The following MAGI2 variants were observed in gnomAD, a reference collection of about 807,000 sequenced individuals.
MAGI2 encodes membrane-associated guanylate kinase, WW and PDZ domain-containing protein 2.
MAGI2 carries 35 observed loss-of-function variants against 133.3 expected under a neutral mutation model. The ratio of observed to expected loss-of-function variants is 0.26; its 90% CI spans 0.20 to 0.35. The LOEUF is 0.35. Among genes scored for constraint, MAGI2 ranks in the 10% least tolerant of loss-of-function variants. MAGI2 has a pLI of 1.00. For synonymous variants in MAGI2, 729 were observed against 710.6 expected (o/e 1.03, Z -0.41); for missense variants, 1,636 against 1,863.4 (o/e 0.88, Z 2.25).
At chr7:79,097,418 G>A (rs961799935) in intron 1 of MAGI2, among the ~76,000 whole-genome samples, 1 of 152,170 alleles carries the variant, frequency 6.6e-6, no homozygotes, top group Non-Finnish European at 1.5e-5. Flanking sequence ...TATAATGGGG[G>A]ATCTGTTATG....
At position 78,838,278 on chromosome 7, in the gene MAGI2, C is replaced by A. The variant is rs17151572; in HGVS notation, c.418+168812G>T. On this transcript the variant is annotated intron_variant, in intron 2 of 21. Transcript: ENST00000354212. ...AAAAGACAGATATAAATCTTGAAAACTTGAACACGGCATGTATTTGAAGGT... is the reference window on the plus strand; with the variant it reads ...AAAAGACAGATATAAATCTTGAAAAATTGAACACGGCATGTATTTGAAGGT... Among the ~76,000 whole-genome samples, 845 of 151,990 alleles carry A rather than the reference C, an allele frequency of 5.6e-3. 12 individuals are homozygous for A. Among genetic ancestry groups the A allele is most frequent in the South Asian group, 0.048 (230 of 4,826 alleles).
chr7:78,713,782 A>G (rs1356193655), intron 2 of MAGI2, among the ~76,000 whole-genome samples: 2 of 152,128 alleles, frequency 1.3e-5, no homozygotes, highest in Admixed American at 1.3e-4. Context: ...CTCACAATGC[A>G]TGGAAAAATG....
intron 2 of MAGI2, among the ~76,000 whole-genome samples, chr7:78,819,978 A>G (rs180975529): frequency 6.6e-6 from 1 of 152,016 alleles, no homozygotes; most frequent in Non-Finnish European, 1.5e-5. Context: ...GACACAATAC[A>G]TCTATTTAGT....
intron 3 of MAGI2, among the ~76,000 whole-genome samples, chr7:78,601,346 T>C (rs1298123236): frequency 3.3e-5 from 5 of 152,146 alleles, no homozygotes; most frequent in African/African-American, 7.2e-5. Context: ...AGAAAAAAAA[T>C]GAGGCTGGAA....
At chr7:78,439,114 C>T (rs1222290789) in intron 6 of MAGI2, among the ~76,000 whole-genome samples, 1 of 152,252 alleles carries the variant, frequency 6.6e-6, no homozygotes, top group African/African-American at 2.4e-5. Flanking sequence ...TCCAAACACC[C>T]ACATGCAAAT....
chr7:79,348,588 G>T (rs756288911), intron 1 of MAGI2, among the ~76,000 whole-genome samples: 19 of 151,534 alleles, frequency 1.3e-4, no homozygotes, highest in Non-Finnish European at 2.2e-4. Context: ...TTTGTGTGTT[G>T]AATACTAATT....
intron 2 of MAGI2, among the ~76,000 whole-genome samples, chr7:78,752,670 T>C (rs571055653): frequency 3.3e-4 from 51 of 152,328 alleles, no homozygotes; most frequent in African/African-American, 1.2e-3. Context: ...ATAATTTTTT[T>C]AGTGTGTAAT....
intron 1 of MAGI2, among the ~76,000 whole-genome samples, chr7:79,027,417 T>C (rs900380256): frequency 3.3e-5 from 5 of 151,838 alleles, no homozygotes; most frequent in African/African-American, 9.7e-5. Context: ...ATGGATGGGA[T>C]TGGAGAACAT....
chr7:78,816,167 C>T (rs964391558), intron 2 of MAGI2, among the ~76,000 whole-genome samples: 5 of 152,200 alleles, frequency 3.3e-5, no homozygotes, highest in Non-Finnish European at 7.3e-5. Context: ...GCTACATTTG[C>T]TGAAATCAAA....
intron 9 of MAGI2, among the ~76,000 whole-genome samples, chr7:78,288,888 C>A (rs992868615): frequency 2.0e-5 from 3 of 152,174 alleles, no homozygotes; most frequent in Admixed American, 2.0e-4. Flanking sequence ...AGCTGAGGAT[C>A]CTGACTGTTA....
At chr7:78,185,468 A>G (rs1479035688) in intron 13 of MAGI2, 161 bp downstream of exon 13, 1 of 458,386 alleles carries the variant, frequency 2.2e-6, no homozygotes, top group East Asian at 3.4e-5. Flanking sequence ...TAGGCTCACC[A>G]TGATGAGACT....
At chr7:78,430,187 T>A (rs1799657210) in intron 6 of MAGI2, among the ~76,000 whole-genome samples, 1 of 151,174 alleles carries the variant, frequency 6.6e-6, no homozygotes, top group Non-Finnish European at 1.5e-5. Context: ...AAGCTACAAT[T>A]TGAGAAAAAT....
chr7:78,209,300 T>C (rs577862329), intron 10 of MAGI2, among the ~76,000 whole-genome samples: 50 of 130,632 alleles, frequency 3.8e-4, no homozygotes, highest in East Asian at 5.0e-4. Context: ...CTCGCTCTGT[T>C]GCCCAGGCTG....
At chr7:78,373,357 A>G (rs1413380763) in intron 6 of MAGI2, among the ~76,000 whole-genome samples, 1 of 152,218 alleles carries the variant, frequency 6.6e-6, no homozygotes, top group Non-Finnish European at 1.5e-5. Flanking sequence ...CAAAATTCAC[A>G]TAAGATTTGT....
intron 1 of MAGI2, among the ~76,000 whole-genome samples, chr7:79,028,140 A>T (rs1386502888): frequency 6.7e-6 from 1 of 150,056 alleles, no homozygotes; most frequent in East Asian, 2.0e-4. Flanking sequence ...TGAACCCGGG[A>T]TGCGGAGGTT....
intron 6 of MAGI2, among the ~76,000 whole-genome samples, chr7:78,388,857 C>T (rs1329550283): frequency 6.6e-6 from 1 of 152,094 alleles, no homozygotes; most frequent in Non-Finnish European, 1.5e-5. Context: ...ATCAGAATCA[C>T]GTCGGTACTA....
intron 16 of MAGI2, 124 bp downstream of exon 16, chr7:78,159,901 T>C: frequency 7.8e-7 from 1 of 1,285,124 alleles, no homozygotes; most frequent in Non-Finnish European, 1.0e-6. Context: ...GCCCACAGCC[T>C]GTGGCTTTCA....
At chr7:78,405,188 T>G (rs1797263895) in intron 6 of MAGI2, among the ~76,000 whole-genome samples, 1 of 152,112 alleles carries the variant, frequency 6.6e-6, no homozygotes. Context: ...CTTAGCTTCC[T>G]TTTAGGCTAA....
intron 6 of MAGI2, among the ~76,000 whole-genome samples, chr7:78,480,155 G>A (rs1480042059): frequency 6.6e-6 from 1 of 151,670 alleles, no homozygotes; most frequent in Non-Finnish European, 1.5e-5. Flanking sequence ...TGCATAACCT[G>A]AATAATCCTG....
Sources: allele counts gnomAD v4.1 joint callset (sites outside exome capture counted in the v4.1 genomes callset), GRCh38; gene constraint gnomAD v4.1.1; transcripts MANE v1.5; gene names NCBI Gene and HGNC (gene_info 2026-07-23, HGNC 2026-07-21).